KLHL13: variants seen among roughly 807,000 people sequenced by gnomAD.
The protein encoded by KLHL13 is kelch like family member 13, also known as kelch-like protein 13.
In KLHL13, 10 loss-of-function variants were observed where a neutral mutation model predicts 37.1. The ratio of observed to expected loss-of-function variants is 0.27; its 90% CI spans 0.17 to 0.46. KLHL13 has a LOEUF of 0.46. Among genes scored for constraint, KLHL13 ranks in the 20% least tolerant of loss-of-function variants. The probability of loss-of-function intolerance (pLI) is 1.00; values close to 1 mark genes in which losing one functional copy is unlikely to be tolerated. For synonymous variants in KLHL13, 163 were observed against 181.2 expected (o/e 0.90, Z 0.81); for missense variants, 360 against 509.3 (o/e 0.71, Z 2.82).
chrX:118,065,362 T>C (rs190587033), intron 1 of KLHL13, among the ~76,000 whole-genome samples: 251 of 111,615 alleles, frequency 2.2e-3, no homozygotes, highest in African/African-American at 7.5e-3. Context: ...CCCAGCACCC[T>C]TCTCAGTCTC....
chrX:117,972,880 A>G (rs746661108), exon 1 of KLHL13: 2 of 1,192,732 alleles, frequency 1.7e-6, no homozygotes, highest in Non-Finnish European at 2.3e-6. Context: ...ATAACAGACT[A>G]CCAACTAAGA....
At chrX:117,949,742 T>C (rs1452421291) in intron 1 of KLHL13, among the ~76,000 whole-genome samples, 1 of 112,295 alleles carries the variant, frequency 8.9e-6, no homozygotes, top group Non-Finnish European at 1.9e-5. Context: ...CAAATAGCAG[T>C]TCATGTTATA....
rs766821110 is a variant in KLHL13 at position 118,109,659 on chromosome X, T to C, written c.-56+6849A>G. ...CCTTGTCACCACCCTGCTCAATCAG[T>C]ACATGTGCTCCACTTTGAAGGACCC... is the stretch of plus-strand genomic sequence containing the variant. On this transcript the variant is annotated intron_variant, in intron 1 of 6. Coordinates refer to the KLHL13 transcript ENST00000371882. 1.3e-4 allele frequency among the ~76,000 whole-genome samples: 15 copies of C among 112,386 alleles called. No homozygotes were observed. The South Asian group carries it at 2.2e-3, about 17-fold the overall frequency.
chrX:117,909,278 A>C, intron 5 of KLHL13, 23 bp downstream of exon 6: 1 of 1,119,137 alleles, frequency 8.9e-7, no homozygotes. Flanking sequence ...ATTTGTCTCT[A>C]TGCTTAATAT....
At chrX:117,924,939 T>C (rs1374304623) in intron 2 of KLHL13, among the ~76,000 whole-genome samples, 1 of 111,414 alleles carries the variant, frequency 9.0e-6, no homozygotes, top group Non-Finnish European at 1.9e-5. Flanking sequence ...TTTTTAAACA[T>C]GTTTTTTCTC....
chrX:118,110,420 C>G (rs1392316108), intron 1 of KLHL13, among the ~76,000 whole-genome samples: 1 of 96,884 alleles, frequency 1.0e-5, no homozygotes, highest in African/African-American at 3.9e-5. Flanking sequence ...CGCTCTGTCA[C>G]CAGGCTGGAG....
At chrX:118,010,064 G>C in intron 1 of KLHL13, among the ~76,000 whole-genome samples, 1 of 108,172 alleles carries the variant, frequency 9.2e-6, no homozygotes, top group Non-Finnish European at 1.9e-5. Flanking sequence ...CAGTTAGAAT[G>C]GTAATCATTA....
At chrX:118,101,596 A>G (rs2055289569) in intron 1 of KLHL13, among the ~76,000 whole-genome samples, 1 of 111,512 alleles carries the variant, frequency 9.0e-6, no homozygotes, top group Non-Finnish European at 1.9e-5. Context: ...TCAAGGACAA[A>G]AAGTAGGCAG....
intron 2 of KLHL13, among the ~76,000 whole-genome samples, chrX:117,940,497 G>C (rs182930365): frequency 2.0e-3 from 229 of 111,874 alleles, no homozygotes; most frequent in African/African-American, 7.0e-3. Flanking sequence ...ATGGTAGCTT[G>C]ATGGGGATAG....
intron 1 of KLHL13, among the ~76,000 whole-genome samples, chrX:118,000,833 G>A (rs1162133627): frequency 5.4e-5 from 6 of 111,286 alleles, no homozygotes; most frequent in African/African-American, 2.0e-4. Flanking sequence ...AACTGATTAT[G>A]GGGTGTCACC....
intron 1 of KLHL13, among the ~76,000 whole-genome samples, chrX:117,995,710 T>C (rs2053847200): frequency 8.9e-6 from 1 of 111,896 alleles, no homozygotes; most frequent in East Asian, 2.8e-4. Context: ...TCACTATGGA[T>C]TTATCTATTT....
chrX:117,948,633 A>G (rs1933437046), intron 1 of KLHL13, among the ~76,000 whole-genome samples: 1 of 111,496 alleles, frequency 9.0e-6, no homozygotes, highest in Non-Finnish European at 1.9e-5. Flanking sequence ...ATATTAACGA[A>G]TTTTGTTTCT....
intron 1 of KLHL13, among the ~76,000 whole-genome samples, chrX:118,072,060 C>T (rs1383013885): frequency 9.1e-6 from 1 of 109,813 alleles, no homozygotes; most frequent in African/African-American, 3.3e-5. Flanking sequence ...GGAGGCATCA[C>T]ACTACCTGAC....
intron 1 of KLHL13, among the ~76,000 whole-genome samples, chrX:118,005,388 T>C (rs907962009): frequency 8.9e-6 from 1 of 111,821 alleles, no homozygotes. Flanking sequence ...CAGTATGGTA[T>C]AGTTGACATA....
chrX:117,965,820 T>C (rs1232463211), intron 1 of KLHL13, among the ~76,000 whole-genome samples: 1 of 111,636 alleles, frequency 9.0e-6, no homozygotes, highest in African/African-American at 3.3e-5. Context: ...ATTATCTCAA[T>C]AGATGCAGAA....
intron 2 of KLHL13, among the ~76,000 whole-genome samples, chrX:117,932,136 T>A (rs1932487332): frequency 9.0e-6 from 1 of 111,538 alleles, no homozygotes; most frequent in Non-Finnish European, 1.9e-5. Flanking sequence ...ATCAGGGTAA[T>A]TATTATATCC....
chrX:117,918,862 A>T (rs1354604497), intron 4 of KLHL13, among the ~76,000 whole-genome samples: 2 of 112,337 alleles, frequency 1.8e-5, no homozygotes, highest in Admixed American at 9.4e-5. Context: ...AAAGAGTTCT[A>T]GAAGCTCAGA....
intron 6 of KLHL13, among the ~76,000 whole-genome samples, chrX:117,901,382 A>C (rs1041556568): frequency 1.8e-5 from 2 of 111,710 alleles, no homozygotes; most frequent in African/African-American, 6.5e-5. Flanking sequence ...GTTATACCTT[A>C]CAACAGGATT....
At chrX:117,965,666 G>A (rs996661285) in intron 1 of KLHL13, among the ~76,000 whole-genome samples, 4 of 111,295 alleles carry the variant, frequency 3.6e-5, no homozygotes, top group Admixed American at 9.6e-5. Context: ...TAAAATACTG[G>A]CAAACGGAAT....
Sources: allele counts gnomAD v4.1 joint callset (sites outside exome capture counted in the v4.1 genomes callset), GRCh38; gene constraint gnomAD v4.1.1; transcripts MANE v1.5; gene names NCBI Gene and HGNC (gene_info 2026-07-23, HGNC 2026-07-21).